ZPBP: variants seen among roughly 807,000 people sequenced by gnomAD.
ZPBP encodes zona pellucida binding protein.
ZPBP carries 26 observed loss-of-function variants against 44.8 expected under a neutral mutation model. The ratio of observed to expected loss-of-function variants is 0.58; its 90% CI spans 0.43 to 0.81. ZPBP has a LOEUF of 0.81. Among genes scored for constraint, ZPBP ranks in the 30% least tolerant of loss-of-function variants. The pLI is 0.00. For missense variants in ZPBP, 409 were observed against 434.0 expected (o/e 0.94, Z 0.51); for synonymous variants, 174 against 153.2 (o/e 1.14, Z -1.00).
At chr7:49,914,682 A>G (rs1490710623) in intron 1 of ZPBP, 1 of 152,192 alleles carries the variant, frequency 6.6e-6, no homozygotes, top group African/African-American at 2.4e-5. Flanking sequence ...GCTATCTCAG[A>G]TTGACATTCT....
chr7:50,000,857 T>C (rs1466048720), intron 6 of ZPBP, among the ~76,000 whole-genome samples: 3 of 152,168 alleles, frequency 2.0e-5, no homozygotes, highest in Non-Finnish European at 1.5e-5. Flanking sequence ...CAGAATGTAA[T>C]GGTATTTGGA....
chr7:49,894,497 G>A (rs188058850), intron 2 of ZPBP, among the ~76,000 whole-genome samples: 4 of 152,326 alleles, frequency 2.6e-5, no homozygotes, highest in South Asian at 2.1e-4. Context: ...AAAACATAGT[G>A]GCAATTTATC....
chr7:49,892,412 C>A (rs958835871), intron 2 of ZPBP, among the ~76,000 whole-genome samples: 1 of 152,132 alleles, frequency 6.6e-6, no homozygotes, highest in Admixed American at 6.5e-5. Flanking sequence ...GCTACTTCGA[C>A]AATGTGAATA....
In ZPBP at chr7:50,060,062, ACTTATT is replaced by A. The variant is rs547033265; in HGVS notation, c.335-1927_335-1922del. 6.6e-4 allele frequency among the ~76,000 whole-genome samples: 100 copies of A among 152,300 alleles called. 1 individual carries two copies. The highest frequency in any genetic ancestry group is 2.4e-3 in the African/African-American group (98 of 41,572). On this transcript the variant is annotated intron_variant, in intron 3 of 7. Coordinates refer to ENST00000046087, the MANE Select transcript of ZPBP (RefSeq NM_007009.3). ...CGTCACAGGGTACACAAGCATCAGG[ACTTATT>A]CCTTGCCCTGAGTGGCTTCTGGGGA...
rs562663992 is a variant in ZPBP, at chr7:49,926,967, C to T, written n.411+8784G>A. On this transcript the variant is annotated intron_variant and non_coding_transcript_variant, in intron 1 of 2. Coordinates refer to the ZPBP transcript ENST00000465922. Reference sequence around the variant, plus strand: ...GCTGTGCTCAGTCTAGAAGCACAGACGCAGTGCAAACACAGTGGAATCAGA... The same window carrying T: ...GCTGTGCTCAGTCTAGAAGCACAGATGCAGTGCAAACACAGTGGAATCAGA... Among the ~76,000 whole-genome samples, 49 of 152,260 alleles carry T rather than the reference C, an allele frequency of 3.2e-4. No individual in the cohort carries two copies. The East Asian group carries it at 7.6e-3, about 23-fold the overall frequency.
At chr7:49,864,529 C>T (rs1375600825) in intron 2 of ZPBP, among the ~76,000 whole-genome samples, 1 of 152,192 alleles carries the variant, frequency 6.6e-6, no homozygotes, top group Non-Finnish European at 1.5e-5. Context: ...CTCCCTCACT[C>T]TAGTAGGCCT....
chr7:50,007,688 A>G (rs976748845), intron 6 of ZPBP, among the ~76,000 whole-genome samples: 5 of 152,060 alleles, frequency 3.3e-5, no homozygotes, highest in African/African-American at 1.2e-4. Flanking sequence ...CATGACCAAG[A>G]ATGATTATTG....
chr7:50,090,395 C>T, intron 1 of ZPBP, among the ~76,000 whole-genome samples: 1 of 151,862 alleles, frequency 6.6e-6, no homozygotes, highest in Non-Finnish European at 1.5e-5. Context: ...TAATAGTCTC[C>T]AATCCCATCC....
chr7:50,090,152 A>G (rs1802878796), intron 1 of ZPBP, among the ~76,000 whole-genome samples: 1 of 152,102 alleles, frequency 6.6e-6, no homozygotes, highest in South Asian at 2.1e-4. Flanking sequence ...ATTCGGTTAC[A>G]TAAATTCTTT....
intron 6 of ZPBP, among the ~76,000 whole-genome samples, chr7:49,986,107 T>A (rs886939855): frequency 1.3e-5 from 2 of 152,204 alleles, no homozygotes; most frequent in African/African-American, 2.4e-5. Context: ...ATATCTTGCA[T>A]CATTTTGGTG....
chr7:49,977,971 G>GA (rs1430440799), intron 7 of ZPBP, among the ~76,000 whole-genome samples: 1 of 151,972 alleles, frequency 6.6e-6, no homozygotes, highest in Non-Finnish European at 1.5e-5. Context: ...ATACACCTAT[G>GA]AGTTTTAAAA....
intron 4 of ZPBP, among the ~76,000 whole-genome samples, chr7:50,038,194 G>A (rs1211938638): frequency 6.6e-6 from 1 of 152,214 alleles, no homozygotes; most frequent in Non-Finnish European, 1.5e-5. Flanking sequence ...ACTGTCCCCA[G>A]CCTCAGCTTC....
At chr7:50,002,698 G>A (rs1798150032) in intron 6 of ZPBP, among the ~76,000 whole-genome samples, 1 of 152,130 alleles carries the variant, frequency 6.6e-6, no homozygotes, top group Non-Finnish European at 1.5e-5. Context: ...AAAGCATAAA[G>A]GTCTTATCTT....
At chr7:50,005,020 AAAC>A (rs1798241795) in intron 6 of ZPBP, among the ~76,000 whole-genome samples, 1 of 128,722 alleles carries the variant, frequency 7.8e-6, no homozygotes. Context: ...CTGTCAAAGA[AAAC>A]AACTGAATCA....
intron 4 of ZPBP, among the ~76,000 whole-genome samples, chr7:50,034,216 G>C (rs901461271): frequency 6.7e-6 from 1 of 150,210 alleles, no homozygotes; most frequent in African/African-American, 2.5e-5. Context: ...GCTGAGTCTT[G>C]AATTTTTAGT....
chr7:49,855,142 C>T (rs1011586660), intron 2 of ZPBP, among the ~76,000 whole-genome samples: 13 of 152,158 alleles, frequency 8.5e-5, no homozygotes, highest in African/African-American at 3.1e-4. Context: ...AAGGCCTGCT[C>T]ACATTAGTCT....
chr7:50,080,583 T>C lies in ZPBP; in HGVS notation c.334+1191A>G, dbSNP rs151231549. Among the ~76,000 whole-genome samples, 544 of 151,888 alleles carry C rather than the reference T, an allele frequency of 3.6e-3. 2 individuals are homozygous for C. Among genetic ancestry groups the C allele is most frequent in the Middle Eastern group, 0.014 (4 of 294 alleles). On this transcript the variant is annotated intron_variant, in intron 3 of 7. Transcript: ENST00000046087. The stretch of plus-strand genomic sequence containing the variant: ...CAAAAAATGACAATAAAAAATTCAA[T>C]GCTTAAATGTTTCTATATTTCAACT...
At position 50,058,128 on chromosome 7, in the gene ZPBP, A is replaced by G. The variant is rs1398800900; in HGVS notation, c.348T>C (p.Thr116=). 2 of 1,613,662 alleles carry G rather than the reference A, an allele frequency of 1.2e-6. No individual in the cohort carries two copies. The highest frequency in any genetic ancestry group is 1.7e-6 in the Non-Finnish European group (2 of 1,179,828). The part of the protein sequence containing the change: ...KGKVVSVENR[T]AQITSTGSLV... ...GGCTTCCTGTGGATGTTATTTGTGC[A>G]GTGCGGTTTTCTACTAAAGGAATAA... The change falls in exon 4 of 8, where the codon ACT becomes ACC. Residue 116 remains threonine (T), a synonymous_variant. Coordinates refer to ENST00000046087, the MANE Select transcript of ZPBP (RefSeq NM_007009.3).
intron 4 of ZPBP, among the ~76,000 whole-genome samples, chr7:50,040,416 G>A (rs1052628270): frequency 2.0e-5 from 3 of 152,156 alleles, no homozygotes; most frequent in Non-Finnish European, 2.9e-5. Context: ...AGTTCCCAGC[G>A]AGATCAACGC....
Sources: gnomAD v4.1 joint callset for allele counts (sites outside exome capture counted in the v4.1 genomes callset) on GRCh38, gnomAD v4.1.1 for gene constraint, MANE v1.5 for transcripts, NCBI Gene and HGNC (gene_info 2026-07-23, HGNC 2026-07-21) for gene names.